Variants in GRIA3 observed in about 807,000 individuals in gnomAD.
GRIA3 encodes the protein glutamate ionotropic receptor AMPA type subunit 3.
In GRIA3, 3 loss-of-function variants were observed where a neutral mutation model predicts 63.0. That is an observed-to-expected ratio of 0.05 (90% CI 0.02 to 0.12). The LOEUF is 0.12. GRIA3 is among the 10% of genes least tolerant of loss of function. The pLI is 1.00. For synonymous variants in GRIA3, 274 were observed against 257.9 expected, an observed-to-expected ratio of 1.06 and a Z score of -0.60; for missense variants, 347 against 700.9, an observed-to-expected ratio of 0.50 and a Z score of 5.70.
chrX:123,378,241 C>G (rs1231906998), intron 5 of GRIA3, among the ~76,000 whole-genome samples: 1 of 111,415 alleles, frequency 9.0e-6, no homozygotes, highest in Non-Finnish European at 1.9e-5. Flanking sequence ...GGTCCAGATG[C>G]CAGCTGACTT....
chrX:123,311,905 G>T (rs1390888170), intron 3 of GRIA3, among the ~76,000 whole-genome samples: 3 of 112,164 alleles, frequency 2.7e-5, no homozygotes, highest in Non-Finnish European at 5.6e-5. Context: ...AGTCACTGAT[G>T]GGGGGAAGAA....
intron 13 of GRIA3, chrX:123,465,869 G>C: frequency 4.7e-5 from 33 of 697,775 alleles, no homozygotes; most frequent in Non-Finnish European, 6.7e-5. Context: ...TGAGGAGAGA[G>C]CACAAGACTC....
At chrX:123,360,915 CT>C (rs1271702367) in intron 5 of GRIA3, among the ~76,000 whole-genome samples, 16 of 98,951 alleles carry the variant, frequency 1.6e-4, no homozygotes, top group Non-Finnish European at 3.0e-4. Flanking sequence ...TTTCATTCCC[CT>C]TTTTTCTTAT....
chrX:123,254,825 C>T (rs1462325316), intron 3 of GRIA3, among the ~76,000 whole-genome samples: 1 of 112,119 alleles, frequency 8.9e-6, no homozygotes, highest in Non-Finnish European at 1.9e-5. Context: ...CATTGACATG[C>T]TCTTGGACTT....
intron 5 of GRIA3, among the ~76,000 whole-genome samples, chrX:123,367,669 T>C (rs951754955): frequency 1.8e-5 from 2 of 111,351 alleles, no homozygotes; most frequent in East Asian, 2.8e-4. Flanking sequence ...ACTGCTAACC[T>C]CAGGTGATCC....
chrX:123,287,613 C>T (rs2044628688), intron 3 of GRIA3, among the ~76,000 whole-genome samples: 1 of 111,683 alleles, frequency 9.0e-6, no homozygotes, highest in Admixed American at 9.5e-5. Flanking sequence ...CATTCCTATA[C>T]ACCAATAATA....
intron 6 of GRIA3, 59 bp downstream of exon 6, chrX:123,395,188 A>G: frequency 1.1e-6 from 1 of 941,126 alleles, no homozygotes; most frequent in Non-Finnish European, 1.5e-6. Context: ...TCTCAGTATG[A>G]TCTTTATACA....
chrX:123,296,528 G>A (rs2044687046), intron 3 of GRIA3, among the ~76,000 whole-genome samples: 1 of 110,575 alleles, frequency 9.0e-6, no homozygotes, highest in East Asian at 2.8e-4. Context: ...ACTATGACTT[G>A]AGATAAATCA....
At chrX:123,199,274 A>ATT (rs5903635) in intron 2 of GRIA3, among the ~76,000 whole-genome samples, 4,669 of 78,569 alleles carry the variant, frequency 0.059, 484 homozygotes, top group African/African-American at 0.2. Context: ...AGTCTTTTAA[A>ATT]TTTTTTTTTT....
At chrX:123,292,375 CT>C (rs2044661273) in intron 3 of GRIA3, among the ~76,000 whole-genome samples, 1 of 111,277 alleles carries the variant, frequency 9.0e-6, no homozygotes, top group Non-Finnish European at 1.9e-5. Flanking sequence ...TAGGCAGGTA[CT>C]TTTGGTGTCA....
At chrX:123,266,767 T>C (rs1006796136) in intron 3 of GRIA3, among the ~76,000 whole-genome samples, 8 of 111,854 alleles carry the variant, frequency 7.2e-5, no homozygotes, top group African/African-American at 2.6e-4. Flanking sequence ...ACTATAACCA[T>C]ATGGAACTAT....
In GRIA3 at chrX:123,184,309, C is replaced by A. The variant is rs1430973980; in HGVS notation, c.-227C>A. ...GGAAGAGAGAGCGAGCGAGAGAGAG[C>A]GAGCGAATAAGAGAGAGAGTAAGAG... On this transcript the variant is annotated 5_prime_UTR_variant, in exon 1 of 16. Coordinates refer to ENST00000620443, the MANE Select transcript of GRIA3 (RefSeq NM_007325.5). 3 of 409,128 alleles carry A rather than the reference C, an allele frequency of 7.3e-6. No homozygotes were observed. Among genetic ancestry groups the A allele is most frequent in the South Asian group, 3.5e-5 (1 of 28,348 alleles). The allele number at this position is 409,128 out of a possible 1,213,427, so 33.7% of individuals were successfully genotyped here. A position where few individuals can be genotyped will look rare whatever the true frequency, so the allele number is the denominator to read the frequency against.
chrX:123,351,604 G>T, intron 4 of GRIA3, among the ~76,000 whole-genome samples: 1 of 111,537 alleles, frequency 9.0e-6, no homozygotes, highest in Non-Finnish European at 1.9e-5. Context: ...ATGTTGTCTC[G>T]TTTTCTCATC....
chrX:123,380,636 G>A (rs1317296457), intron 5 of GRIA3, among the ~76,000 whole-genome samples: 3 of 111,920 alleles, frequency 2.7e-5, no homozygotes, highest in African/African-American at 9.7e-5. Flanking sequence ...CTGTGCAGAA[G>A]CTCTTTAGTT....
At position 123,377,992 on chromosome X, in the gene GRIA3, C is replaced by T. The variant is rs1188340538; in HGVS notation, c.751-16976C>T. ...TACACCTCCTGTCCTCTATCGAGAT[C>T]CTCAATCCTAAAATAACTGTGATCC... is the stretch of plus-strand genomic sequence containing the variant. On this transcript the variant is annotated intron_variant, in intron 5 of 15. Transcript: ENST00000620443. Among the ~76,000 whole-genome samples the T allele has an allele frequency of 6.3e-5, 7 of 111,969 alleles. No individual in the cohort carries two copies. The Admixed American group carries it at 6.6e-4, about 11-fold the overall frequency.
intron 2 of GRIA3, among the ~76,000 whole-genome samples, chrX:123,220,523 A>G (rs1236567842): frequency 9.0e-6 from 1 of 111,683 alleles, no homozygotes; most frequent in Non-Finnish European, 1.9e-5. Flanking sequence ...ATCTTAAGAA[A>G]TAACTCCTTC....
chrX:123,478,097 C>G (rs1312133931), intron 13 of GRIA3, among the ~76,000 whole-genome samples: 2 of 111,583 alleles, frequency 1.8e-5, no homozygotes, highest in East Asian at 5.6e-4. Context: ...GGTGCCACTG[C>G]CTGACTTAAG....
intron 3 of GRIA3, among the ~76,000 whole-genome samples, chrX:123,310,006 C>T (rs943678577): frequency 8.9e-6 from 1 of 112,370 alleles, no homozygotes; most frequent in African/African-American, 3.2e-5. Flanking sequence ...AGATGCCCAG[C>T]CAAGAGGAAC....
intron 2 of GRIA3, among the ~76,000 whole-genome samples, chrX:123,206,287 C>G (rs1279131403): frequency 8.9e-6 from 1 of 111,925 alleles, no homozygotes; most frequent in Non-Finnish European, 1.9e-5. Context: ...CCGTGCTTTG[C>G]CTTCTCCATC....
Sources: allele counts gnomAD v4.1 joint callset (sites outside exome capture counted in the v4.1 genomes callset), GRCh38; gene constraint gnomAD v4.1.1; transcripts MANE v1.5; gene names NCBI Gene and HGNC (gene_info 2026-07-23, HGNC 2026-07-21).